Variants in PRR16 observed in about 807,000 individuals in gnomAD.
PRR16 encodes protein Largen.
A neutral mutation model predicts 18.2 loss-of-function variants in PRR16; 6 were observed. That is an observed-to-expected ratio of 0.33 (90% confidence interval 0.18 to 0.65). The LOEUF (loss-of-function observed/expected upper bound fraction) is 0.65. Among genes scored for constraint, PRR16 ranks in the 30% least tolerant of loss-of-function variants. The pLI is 0.74. For missense variants in PRR16, 412 were observed against 376.6 expected (o/e 1.09, Z -0.78); for synonymous variants, 151 against 147.8 (o/e 1.02, Z -0.16).
chr5:120,739,442 T>A, the PRR16 span, among the ~76,000 whole-genome samples: 1 of 152,260 alleles, frequency 6.6e-6, no homozygotes, highest in South Asian at 2.1e-4. Flanking sequence ...TTTGTCTAAC[T>A]CAACTATGAG....
intron 1 of PRR16, among the ~76,000 whole-genome samples, chr5:120,533,102 A>G (rs537465064): frequency 6.6e-6 from 1 of 152,340 alleles, no homozygotes; most frequent in African/African-American, 2.4e-5. Flanking sequence ...GATAGAAGAT[A>G]ATAGGATAGT....
At chr5:120,731,833 G>A in the PRR16 span, among the ~76,000 whole-genome samples, 1 of 152,094 alleles carries the variant, frequency 6.6e-6, no homozygotes, top group African/African-American at 2.4e-5. Flanking sequence ...AATATGAACA[G>A]GTTCATAATC....
At chr5:120,695,878 T>C in the PRR16 span, among the ~76,000 whole-genome samples, 2 of 152,162 alleles carry the variant, frequency 1.3e-5, no homozygotes, top group Admixed American at 1.3e-4. Context: ...TCACCATTTA[T>C]CTGAATCTTA....
At chr5:120,529,207 C>G in intron 1 of PRR16, among the ~76,000 whole-genome samples, 1 of 152,032 alleles carries the variant, frequency 6.6e-6, no homozygotes, top group East Asian at 1.9e-4. Context: ...AGGTGATATA[C>G]TTGGGTTATA....
intron 1 of PRR16, among the ~76,000 whole-genome samples, chr5:120,680,030 G>C (rs1756923911): frequency 6.6e-6 from 1 of 152,132 alleles, no homozygotes. Flanking sequence ...AACTATGTGA[G>C]ATGATGGATA....
the PRR16 span, among the ~76,000 whole-genome samples, chr5:120,771,340 C>CCAAA: frequency 1.3e-5 from 2 of 151,918 alleles, no homozygotes; most frequent in African/African-American, 4.8e-5. Flanking sequence ...TAGCAACAAC[C>CCAAA]CAAACACATT....
chr5:120,559,980 G>A (rs1752526531), intron 1 of PRR16, among the ~76,000 whole-genome samples: 2 of 151,748 alleles, frequency 1.3e-5, no homozygotes, highest in Non-Finnish European at 2.9e-5. Context: ...TTTGTATGTT[G>A]ATTTTGTATC....
chr5:120,701,588 A>G, the PRR16 span, among the ~76,000 whole-genome samples: 1,057 of 152,250 alleles, frequency 6.9e-3, 8 homozygotes, highest in African/African-American at 0.024. Flanking sequence ...AAAAGATTAT[A>G]GGGTGGAGGA....
chr5:120,505,587 G>T (rs1005950322), intron 1 of PRR16, among the ~76,000 whole-genome samples: 1 of 152,138 alleles, frequency 6.6e-6, no homozygotes, highest in African/African-American at 2.4e-5. Context: ...GATGAAGATT[G>T]AATGCATTTG....
chr5:120,754,447 A>G, the PRR16 span, among the ~76,000 whole-genome samples: 1 of 89,732 alleles, frequency 1.1e-5, no homozygotes, highest in Middle Eastern at 0.018. Context: ...TATAGTATAT[A>G]TTATATAATA....
At chr5:120,781,793 T>C in the PRR16 span, among the ~76,000 whole-genome samples, 1 of 152,210 alleles carries the variant, frequency 6.6e-6, no homozygotes, top group African/African-American at 2.4e-5. Flanking sequence ...AGAGCTTCTA[T>C]ATCTTCATTA....
At chr5:120,677,905 C>CTTTTT (rs386404833) in intron 1 of PRR16, among the ~76,000 whole-genome samples, 1,171 of 93,060 alleles carry the variant, frequency 0.013, 8 homozygotes, top group African/African-American at 0.014. Context: ...CTTTTTCTTT[C>CTTTTT]TTTTTTTTTT....
chr5:120,576,128 A>G (rs1317933352), intron 1 of PRR16, among the ~76,000 whole-genome samples: 2 of 152,136 alleles, frequency 1.3e-5, no homozygotes, highest in East Asian at 1.9e-4. Context: ...ATTTTTTTCG[A>G]TAAAACCTCA....
At chr5:120,631,397 AATCGGCTT>A (rs1248722458) in intron 1 of PRR16, among the ~76,000 whole-genome samples, 1 of 152,136 alleles carries the variant, frequency 6.6e-6, no homozygotes, top group African/African-American at 2.4e-5. Context: ...AAAAACTGTG[AATCGGCTT>A]GCTTTCTGGA....
the PRR16 span, among the ~76,000 whole-genome samples, chr5:120,736,892 A>G: frequency 2.6e-3 from 390 of 152,016 alleles, 3 homozygotes; most frequent in African/African-American, 9.2e-3. Flanking sequence ...GGTGTTGATC[A>G]TTATCAGTGA....
chr5:120,563,438 G>A (rs960177765), intron 1 of PRR16, among the ~76,000 whole-genome samples: 1 of 152,162 alleles, frequency 6.6e-6, no homozygotes, highest in East Asian at 1.9e-4. Context: ...AGCTAAGCTG[G>A]CATCAAACCA....
Position 120,651,234 on chromosome 5 carries a change from T to TAGTCATATTA in PRR16, c.160-34720_160-34719insAGTCATATTA, listed in dbSNP as rs529078280. On this transcript the variant is annotated intron_variant, in intron 1 of 1. Coordinates refer to ENST00000407149, the MANE Select transcript of PRR16 (RefSeq NM_001300783.2). Reference sequence around the variant, plus strand: ...TTGTAGATTCTGGATATTAGCCCCTTGTCAGATGAGTAGGTTGCGAAAATG... The same window carrying TAGTCATATTA: ...TTGTAGATTCTGGATATTAGCCCCTTAGTCATATTAGTCAGATGAGTAGGTTGCGAAAATG... 2.1e-3 allele frequency among the ~76,000 whole-genome samples: 324 copies of TAGTCATATTA among 152,346 alleles called. 2 individuals carry two copies. Among genetic ancestry groups the TAGTCATATTA allele is most frequent in the Middle Eastern group, 6.8e-3 (2 of 294 alleles).
At chr5:120,737,372 TG>T in the PRR16 span, among the ~76,000 whole-genome samples, 1 of 149,124 alleles carries the variant, frequency 6.7e-6, no homozygotes, top group East Asian at 2.0e-4. Flanking sequence ...AATTTTTTTT[TG>T]CTTCAATTGA....
At chr5:120,492,648 A>G (rs1450078917) in intron 1 of PRR16, among the ~76,000 whole-genome samples, 2 of 151,888 alleles carry the variant, frequency 1.3e-5, no homozygotes, top group Admixed American at 1.3e-4. Flanking sequence ...GAATTCTGAG[A>G]TTTTAGTGCA....
Sources: allele counts gnomAD v4.1 joint callset (sites outside exome capture counted in the v4.1 genomes callset), GRCh38; gene constraint gnomAD v4.1.1; transcripts MANE v1.5; gene names NCBI Gene and HGNC (gene_info 2026-07-23, HGNC 2026-07-21).